The following CRIM1 variants were observed in gnomAD, a reference collection of about 807,000 sequenced individuals.
CRIM1 encodes the protein cysteine rich transmembrane BMP regulator 1.
A neutral mutation model predicts 116.4 loss-of-function variants in CRIM1; 32 were observed. The ratio of observed to expected loss-of-function variants is 0.27; its 90% CI spans 0.21 to 0.37. The LOEUF is 0.37. CRIM1 is among the 10% of genes least tolerant of loss of function. The probability of loss-of-function intolerance (pLI) is 1.00; values close to 1 mark genes in which losing one functional copy is unlikely to be tolerated. For synonymous variants in CRIM1, 590 were observed against 509.2 expected (o/e 1.16, Z -2.13); for missense variants, 1,331 against 1,354.8 (o/e 0.98, Z 0.28).
At chr2:36,511,717 A>T (rs1048361574) in intron 9 of CRIM1, among the ~76,000 whole-genome samples, 1 of 152,198 alleles carries the variant, frequency 6.6e-6, no homozygotes, top group Non-Finnish European at 1.5e-5. Context: ...TGTGTTAAGG[A>T]CACACACCAA....
intron 13 of CRIM1, among the ~76,000 whole-genome samples, chr2:36,528,916 A>G (rs958149379): frequency 2.6e-5 from 4 of 152,210 alleles, no homozygotes; most frequent in African/African-American, 9.6e-5. Flanking sequence ...TGCTGCTTCC[A>G]TAAGCAGCTT....
intron 14 of CRIM1, among the ~76,000 whole-genome samples, chr2:36,539,558 A>G (rs1421532715): frequency 1.3e-5 from 2 of 152,186 alleles, no homozygotes; most frequent in Admixed American, 1.3e-4. Context: ...TTGAACATAG[A>G]CTGTGGGGCA....
chr2:36,469,845 T>TA (rs1277793307), intron 5 of CRIM1, among the ~76,000 whole-genome samples: 1 of 152,178 alleles, frequency 6.6e-6, no homozygotes, highest in African/African-American at 2.4e-5. Context: ...CTAATTTTGT[T>TA]AAAGAGTGAT....
chr2:36,459,970 G>A (rs1375622438), intron 4 of CRIM1, among the ~76,000 whole-genome samples: 1 of 152,148 alleles, frequency 6.6e-6, no homozygotes, highest in Non-Finnish European at 1.5e-5. Context: ...AAGCTTAAAT[G>A]TGTACTCACC....
intron 4 of CRIM1, among the ~76,000 whole-genome samples, chr2:36,456,783 C>A (rs577966934): frequency 9.9e-5 from 15 of 152,164 alleles, no homozygotes; most frequent in Non-Finnish European, 1.5e-4. Flanking sequence ...GTCTCCACCC[C>A]CCCACCACCC....
intron 4 of CRIM1, among the ~76,000 whole-genome samples, chr2:36,454,167 A>G (rs951089359): frequency 3.3e-5 from 5 of 152,120 alleles, no homozygotes; most frequent in African/African-American, 1.2e-4. Flanking sequence ...CAGTACCCCC[A>G]TAATAACCCC....
chr2:36,526,794 T>C (rs1005961797), intron 13 of CRIM1, among the ~76,000 whole-genome samples: 5 of 152,200 alleles, frequency 3.3e-5, no homozygotes, highest in Admixed American at 2.6e-4. Context: ...AGTACTACTT[T>C]GATCGTAACG....
chr2:36,511,850 A>T (rs571177125), intron 9 of CRIM1, among the ~76,000 whole-genome samples: 1 of 9,798 alleles, frequency 1.0e-4, no homozygotes, highest in Non-Finnish European at 1.9e-4. Flanking sequence ...TCCAGAAGGG[A>T]GGGAGGGAGG....
chr2:36,369,012 G>T (rs1669775530), intron 1 of CRIM1: 2 of 152,192 alleles, frequency 1.3e-5, no homozygotes, highest in African/African-American at 4.8e-5. Context: ...CTGGGATGGG[G>T]TGGTGTTAAT....
intron 6 of CRIM1, 24 bp from the exon 7 acceptor site, chr2:36,479,470 TAAC>T: frequency 4.3e-6 from 7 of 1,610,738 alleles, no homozygotes; most frequent in Non-Finnish European, 5.9e-6. Context: ...ATGCTCAGTC[TAAC>T]TCTGAACTCA....
intron 1 of CRIM1, among the ~76,000 whole-genome samples, chr2:36,358,799 A>G (rs1276177816): frequency 6.6e-6 from 1 of 152,180 alleles, no homozygotes; most frequent in African/African-American, 2.4e-5. Flanking sequence ...ACAGCAGTCA[A>G]CTTGCATTCT....
intron 2 of CRIM1, among the ~76,000 whole-genome samples, chr2:36,409,038 AAG>A (rs759445050): frequency 3.2e-4 from 48 of 152,258 alleles, no homozygotes; most frequent in Non-Finnish European, 5.4e-4. Flanking sequence ...CTTTTAAATA[AAG>A]AGAGTTTTAA....
At chr2:36,468,775 G>A (rs1678250511) in intron 5 of CRIM1, among the ~76,000 whole-genome samples, 1 of 152,140 alleles carries the variant, frequency 6.6e-6, no homozygotes, top group Admixed American at 6.5e-5. Flanking sequence ...CTTACACATG[G>A]CCCACCTCTC....
intron 4 of CRIM1, among the ~76,000 whole-genome samples, chr2:36,448,640 C>G (rs890736624): frequency 7.3e-5 from 4 of 55,044 alleles, no homozygotes; most frequent in South Asian, 9.6e-4. Context: ...AACTTTGTAC[C>G]TTTTTATTAT....
Position 36,501,186 on chromosome 2 carries a change from G to A in CRIM1, c.1501+1839G>A, listed in dbSNP as rs763429010. ...TGGTTCTGTAATAAGCGGGCTTTCT[G>A]TGGGCCTGTGGTTGTAATTACCATG... On this transcript the variant is annotated intron_variant, in intron 8 of 16. Transcript: ENST00000280527. Among the ~76,000 whole-genome samples the A allele has an allele frequency of 3.4e-4, 51 of 152,182 alleles. 1 individual carries two copies. The highest frequency in any genetic ancestry group is 6.0e-4 in the Non-Finnish European group (41 of 68,040).
At chr2:36,424,554 G>T (rs1198183698) in intron 2 of CRIM1, among the ~76,000 whole-genome samples, 1 of 152,190 alleles carries the variant, frequency 6.6e-6, no homozygotes, top group Non-Finnish European at 1.5e-5. Flanking sequence ...GTGTCCTTGG[G>T]AAGTAGGACA....
intron 13 of CRIM1, chr2:36,529,117 T>A: frequency 2.1e-6 from 1 of 471,240 alleles, no homozygotes; most frequent in South Asian, 1.5e-5. Flanking sequence ...TCCAGAGAGA[T>A]CCAACAGTAT....
At chr2:36,478,542 A>G (rs1679162977) in intron 6 of CRIM1, among the ~76,000 whole-genome samples, 1 of 152,162 alleles carries the variant, frequency 6.6e-6, no homozygotes, top group Non-Finnish European at 1.5e-5. Context: ...GCTCAGGTCC[A>G]TTGGCCGCCT....
chr2:36,505,010 C>T (rs1403221272), intron 8 of CRIM1, among the ~76,000 whole-genome samples: 1 of 152,184 alleles, frequency 6.6e-6, no homozygotes, highest in Non-Finnish European at 1.5e-5. Flanking sequence ...AAAGAGCCTT[C>T]ATATTTTTCA....
Sources: allele counts gnomAD v4.1 joint callset (sites outside exome capture counted in the v4.1 genomes callset), GRCh38; gene constraint gnomAD v4.1.1; transcripts MANE v1.5; gene names NCBI Gene and HGNC (gene_info 2026-07-23, HGNC 2026-07-21).